The following HPGDS variants were observed in gnomAD, a reference collection of about 807,000 sequenced individuals.
The protein encoded by HPGDS is GST class-sigma.
In HPGDS, 26 loss-of-function variants were observed where a neutral mutation model predicts 23.1. The observed-to-expected ratio is 1.13, with a 90% confidence interval of 0.83 to 1.56. The LOEUF is 1.56. Among genes scored for constraint, HPGDS ranks in the 40% most tolerant of loss-of-function variants. The probability of loss-of-function intolerance (pLI) is 0.00; values close to 1 mark genes in which losing one functional copy is unlikely to be tolerated. For missense variants in HPGDS, 268 were observed against 236.4 expected (o/e 1.13, Z -0.88); for synonymous variants, 95 against 77.9 (o/e 1.22, Z -1.16).
intron 2 of HPGDS, among the ~76,000 whole-genome samples, chr4:94,324,051 T>G (rs1451661268): frequency 6.6e-6 from 1 of 152,222 alleles, no homozygotes; most frequent in Non-Finnish European, 1.5e-5. Context: ...AATTCTGGGT[T>G]GAAAATTGTT....
intron 1 of HPGDS, among the ~76,000 whole-genome samples, chr4:94,336,909 A>G (rs534511001): frequency 4.6e-5 from 7 of 152,088 alleles, no homozygotes; most frequent in South Asian, 4.2e-4. Context: ...TACAGAGTGG[A>G]AAAAGTTTGA....
At chr4:94,318,685 A>G (rs956534227) in intron 2 of HPGDS, among the ~76,000 whole-genome samples, 1 of 152,080 alleles carries the variant, frequency 6.6e-6, no homozygotes, top group East Asian at 1.9e-4. Flanking sequence ...TGTGCTGCTA[A>G]GAAGAATGTG....
intron 1 of HPGDS, among the ~76,000 whole-genome samples, chr4:94,340,378 G>T (rs1206499218): frequency 1.1e-5 from 1 of 93,672 alleles, no homozygotes; most frequent in South Asian, 4.4e-4. Context: ...TCTCTCTGTC[G>T]CCCAGGCTGG....
At chr4:94,321,387 AC>A (rs759104080) in intron 2 of HPGDS, among the ~76,000 whole-genome samples, 1 of 152,122 alleles carries the variant, frequency 6.6e-6, no homozygotes, top group Non-Finnish European at 1.5e-5. Flanking sequence ...GATTCTTCCT[AC>A]CCATGAGCAT....
At chr4:94,319,333 C>T (rs1320921913) in intron 2 of HPGDS, among the ~76,000 whole-genome samples, 3 of 152,100 alleles carry the variant, frequency 2.0e-5, no homozygotes, top group African/African-American at 7.2e-5. Context: ...AACATTGCTG[C>T]TCCTGCATGC....
At chr4:94,331,797 T>C (rs1276184886) in intron 2 of HPGDS, among the ~76,000 whole-genome samples, 1 of 152,180 alleles carries the variant, frequency 6.6e-6, no homozygotes, top group African/African-American at 2.4e-5. Flanking sequence ...ATGCTTATTC[T>C]AGGGACGAGA....
rs1560598005 is a variant in HPGDS, at chr4:94,340,311, C to CTTTTTCTTTTCTTTTTTTTTTTTTTTT, written c.-10+2483_-10+2484insAAAAAAAAAAAAAAAAGAAAAGAAAAA. Among the ~76,000 whole-genome samples the CTTTTTCTTTTCTTTTTTTTTTTTTTTT allele has an allele frequency of 3.8e-4, 9 of 23,686 alleles. 2 individuals are homozygous for CTTTTTCTTTTCTTTTTTTTTTTTTTTT. The highest frequency in any genetic ancestry group is 1.4e-3 in the East Asian group (1 of 726). The allele number at this position is 23,686 out of a possible 152,430, so 15.5% of individuals were successfully genotyped here. ...TTTCTTTCTTTCTTTCTTTCTTTCT[C>CTTTTTCTTTTCTTTTTTTTTTTTTTTT]TTTTTTTTTTTTTTTTTTTTTTTTT... is the stretch of plus-strand genomic sequence containing the variant. On this transcript the variant is annotated intron_variant, in intron 1 of 5. Coordinates refer to ENST00000295256, the MANE Select transcript of HPGDS (RefSeq NM_014485.3).
rs994105337 is a variant in HPGDS at position 94,338,900 on chromosome 4, C to G, written c.-10+3895G>C. Among the ~76,000 whole-genome samples, 4 of 152,130 alleles carry G rather than the reference C, an allele frequency of 2.6e-5. 1 individual carries two copies. Among genetic ancestry groups the G allele is most frequent in the Middle Eastern group, 6.8e-3 (2 of 292 alleles). On this transcript the variant is annotated intron_variant, in intron 1 of 5. Coordinates refer to ENST00000295256, the MANE Select transcript of HPGDS (RefSeq NM_014485.3). ...GATTTCAAATGGAAATGCTAAGGAC[C>G]AAAATAGCCAAGACAAAGAAAAAAA...
chr4:94,339,892 A>G (rs542064980), intron 1 of HPGDS, among the ~76,000 whole-genome samples: 1 of 152,190 alleles, frequency 6.6e-6, no homozygotes, highest in Admixed American at 6.5e-5. Flanking sequence ...ATCATTTTAT[A>G]AGGGATTTCC....
intron 1 of HPGDS, among the ~76,000 whole-genome samples, chr4:94,340,377 C>T (rs1721134991): frequency 1.1e-5 from 1 of 94,594 alleles, no homozygotes; most frequent in Admixed American, 1.6e-4. Context: ...CTCTCTCTGT[C>T]GCCCAGGCTG....
intron 4 of HPGDS, 100 bp from the exon 5 acceptor site, chr4:94,302,344 T>C: frequency 1.2e-6 from 1 of 800,588 alleles, no homozygotes; most frequent in Non-Finnish European, 2.0e-6. Flanking sequence ...CCCACATGAA[T>C]TCAAGAAGAA....
chr4:94,299,291 T>A lies in HPGDS; in HGVS notation c.*189A>T. ...AATTGTAAATGATGAGAAGCTATTCTGAAAGAAAAAGATACTGAAGAAAGA... is the reference window on the plus strand; with the variant it reads ...AATTGTAAATGATGAGAAGCTATTCAGAAAGAAAAAGATACTGAAGAAAGA... On this transcript the variant is annotated 3_prime_UTR_variant, in exon 6 of 6. Transcript: ENST00000295256. 1 of 531,902 alleles carries A rather than the reference T, an allele frequency of 1.9e-6. No homozygotes were observed. Among genetic ancestry groups the A allele is most frequent in the Non-Finnish European group, 3.2e-6 (1 of 308,470 alleles). 32.9% of individuals were successfully genotyped at this position (531,902 alleles called of 1,614,324 possible). A position where few individuals can be genotyped will look rare whatever the true frequency, so the allele number is the denominator to read the frequency against.
intron 2 of HPGDS, among the ~76,000 whole-genome samples, chr4:94,318,850 C>A (rs1756448646): frequency 6.6e-6 from 1 of 152,096 alleles, no homozygotes; most frequent in South Asian, 2.1e-4. Context: ...GTAGCCAGGA[C>A]TACAGGTTTG....
rs1338103295 is a variant in HPGDS, at chr4:94,308,669, A to G, written c.301T>C (p.Cys101Arg). Reference sequence around the variant, plus strand: ...TGCTTTTTCTCTGCCCAAGGAAAACATGACATGAAATCATCCAGAGTGTCC... The same window carrying G: ...TGCTTTTTCTCTGCCCAAGGAAAACGTGACATGAAATCATCCAGAGTGTCC... ...IVDTLDDFMS[C>R]FPWAEKKQDV... Residue 101 changes from cysteine (C) to arginine (R), a missense_variant, in exon 4 of 6, where the codon TGT becomes CGT. By Grantham distance (180) the Cys-to-Arg change is radical (BLOSUM62 -3). Coordinates refer to ENST00000295256, the MANE Select transcript of HPGDS (RefSeq NM_014485.3). 4 of 1,608,144 alleles carry G rather than the reference A, an allele frequency of 2.5e-6. No homozygotes were observed. Among genetic ancestry groups the G allele is most frequent in the Non-Finnish European group, 1.7e-6 (2 of 1,175,836 alleles).
intron 5 of HPGDS, 75 bp downstream of exon 5, chr4:94,302,071 T>A: frequency 1.8e-6 from 2 of 1,092,038 alleles, no homozygotes; most frequent in Non-Finnish European, 2.7e-6. Context: ...GTAACTTTTT[T>A]TCAGTAAGTT....
At position 94,317,900 on chromosome 4, in the gene HPGDS, T is replaced by G; in HGVS notation, c.199A>C (p.Ile67Leu). The G allele has an allele frequency of 6.2e-7, 1 of 1,611,430 alleles. No homozygotes were observed. The highest frequency in any genetic ancestry group is 8.5e-7 in the Non-Finnish European group (1 of 1,178,352). ...DGLTLHQSLA[I>L]ARYLTKNTDL... Reference sequence around the variant, plus strand: ...GTGTTTTTGGTCAAATATCTTGCTATTGCTAGGCTCTGGTGAAGAGTAAGT... The same window carrying G: ...GTGTTTTTGGTCAAATATCTTGCTAGTGCTAGGCTCTGGTGAAGAGTAAGT... The change falls in exon 3 of 6, where the codon ATA (isoleucine) becomes CTA (leucine). Residue 67 changes from isoleucine to leucine, a missense_variant. By Grantham distance (5) the Ile-to-Leu change is conservative. Coordinates refer to ENST00000295256, the MANE Select transcript of HPGDS (RefSeq NM_014485.3).
At chr4:94,328,345 C>T (rs1363790378) in intron 2 of HPGDS, among the ~76,000 whole-genome samples, 4 of 152,176 alleles carry the variant, frequency 2.6e-5, no homozygotes, top group Non-Finnish European at 1.5e-5. Context: ...TACCTCTAGT[C>T]ATTAATTTTG....
intron 2 of HPGDS, among the ~76,000 whole-genome samples, chr4:94,325,337 G>C (rs545790324): frequency 1.3e-5 from 2 of 152,340 alleles, no homozygotes; most frequent in South Asian, 4.1e-4. Flanking sequence ...GGACGTTTAA[G>C]TCTGCAGAAG....
At chr4:94,333,997 C>G (rs1171302718) in intron 2 of HPGDS, among the ~76,000 whole-genome samples, 1 of 152,148 alleles carries the variant, frequency 6.6e-6, no homozygotes, top group East Asian at 1.9e-4. Flanking sequence ...GTTATAAGGG[C>G]AATGACTTTT....
Sources: gnomAD v4.1 joint callset for allele counts (sites outside exome capture counted in the v4.1 genomes callset) on GRCh38, gnomAD v4.1.1 for gene constraint, MANE v1.5 for transcripts, NCBI Gene and HGNC (gene_info 2026-07-23, HGNC 2026-07-21) for gene names.